Variants in ZKSCAN1 observed in about 807,000 individuals in gnomAD.
The protein encoded by ZKSCAN1 is zinc finger with KRAB and SCAN domains 1.
ZKSCAN1 carries 14 observed loss-of-function variants against 51.6 expected under a neutral mutation model. The ratio of observed to expected loss-of-function variants is 0.27; its 90% CI spans 0.18 to 0.42. The LOEUF is 0.42. ZKSCAN1 is among the 10% of genes least tolerant of loss of function. The pLI is 1.00. For missense variants in ZKSCAN1, 531 were observed against 710.0 expected (o/e 0.75, Z 2.86); for synonymous variants, 263 against 261.5 (o/e 1.01, Z -0.06).
Position 100,035,924 on chromosome 7 carries a change from C to A in ZKSCAN1, c.*1727C>A, listed in dbSNP as rs111611973. 9 of 985,396 alleles carry A rather than the reference C, an allele frequency of 9.1e-6. No individual in the cohort carries two copies. The highest frequency in any genetic ancestry group is 5.2e-5 in the African/African-American group (3 of 57,324). 61.0% of individuals were successfully genotyped at this position (985,396 alleles called of 1,614,324 possible). A position where few individuals can be genotyped will look rare whatever the true frequency, so the allele number is the denominator to read the frequency against. The stretch of plus-strand genomic sequence containing the variant: ...CCTACCCAAGGCTAGGACCGCCCTG[C>A]GGAAACAGAAACATAGACTGAGAAC... On this transcript the variant is annotated 3_prime_UTR_variant, in exon 6 of 6. Transcript: ENST00000324306.
chr7:100,033,593 A>C lies in ZKSCAN1; in HGVS notation c.1088A>C (p.Asn363Thr). The change falls in exon 6 of 6, where the codon AAC becomes ACC. Residue 363 changes from asparagine to threonine, a missense_variant. Coordinates refer to ENST00000324306, the MANE Select transcript of ZKSCAN1 (RefSeq NM_003439.4). The surrounding 1 kb of genome is among the most constrained non-coding windows in gnomAD (Gnocchi z 4.1). ...GGAAGAAGCTTCAGTCTGAGCTCCA[A>C]CTTCACCACCCCTGAAGAAGTTCCC... ...GLGRSFSLSS[N>T]FTTPEEVPTG... 1 of 1,614,194 alleles carries C rather than the reference A, an allele frequency of 6.2e-7. No homozygotes were observed. The highest frequency in any genetic ancestry group is 8.5e-7 in the Non-Finnish European group (1 of 1,180,026).
Position 100,040,224 on chromosome 7 carries a change from G to T in ZKSCAN1, c.*6027G>T. On this transcript the variant is annotated 3_prime_UTR_variant, in exon 6 of 6. Transcript: ENST00000324306. ...TGAGAATTGAATTTCATGATGTGTG[G>T]TTCCATTTAATAGCGGACACCACCC... The T allele has an allele frequency of 1.0e-6, 1 of 985,374 alleles. No homozygotes were observed. The highest frequency in any genetic ancestry group is 1.7e-5 in the African/African-American group (1 of 57,340). The allele number at this position is 985,374 out of a possible 1,614,324, so 61.0% of individuals were successfully genotyped here. A position where few individuals can be genotyped will look rare whatever the true frequency, so the allele number is the denominator to read the frequency against.
At chr7:100,029,480 G>C (rs1791007523) in intron 3 of ZKSCAN1, among the ~76,000 whole-genome samples, 1 of 152,134 alleles carries the variant, frequency 6.6e-6, no homozygotes, top group South Asian at 2.1e-4. Flanking sequence ...AGGAAATTAG[G>C]AGCCAGACTT....
intron 3 of ZKSCAN1, among the ~76,000 whole-genome samples, chr7:100,027,729 CAGAG>C (rs1790904178): frequency 7.4e-6 from 1 of 134,266 alleles, no homozygotes; most frequent in African/African-American, 2.8e-5. Flanking sequence ...GCCTGGGCAA[CAGAG>C]GGAGATGCTG....
downstream of ZKSCAN1, among the ~76,000 whole-genome samples, chr7:100,041,846 A>C (rs1195805060): frequency 6.6e-6 from 1 of 152,218 alleles, no homozygotes; most frequent in African/African-American, 2.4e-5. Flanking sequence ...TTTACTTTGC[A>C]AACCAAAATT....
intron 1 of ZKSCAN1, among the ~76,000 whole-genome samples, chr7:100,021,697 A>G (rs1790593381): frequency 1.4e-5 from 2 of 147,316 alleles, no homozygotes. Flanking sequence ...ATCTGTTTAT[A>G]TTATTAGTGT....
At position 100,039,315 on chromosome 7, in the gene ZKSCAN1, GAA is replaced by G. The variant is rs11338572; in HGVS notation, c.*5129_*5130del. The G allele has an allele frequency of 1.1e-3, 943 of 860,446 alleles. No individual in the cohort carries two copies. The highest frequency in any genetic ancestry group is 1.2e-3 in the Non-Finnish European group (851 of 719,234). The allele number at this position is 860,446 out of a possible 1,614,324, so 53.3% of individuals were successfully genotyped here. ...TAACAGAGACTCTGTCTCAAAAAAA[GAA>G]AAAAAAAAAAGAAAGAAAGAAAGAA... is the stretch of plus-strand genomic sequence containing the variant. On this transcript the variant is annotated 3_prime_UTR_variant, in exon 6 of 6. Coordinates refer to ENST00000324306, the MANE Select transcript of ZKSCAN1 (RefSeq NM_003439.4).
chr7:100,025,527 G>C (rs1486574001), intron 3 of ZKSCAN1, among the ~76,000 whole-genome samples: 1 of 152,156 alleles, frequency 6.6e-6, no homozygotes, highest in African/African-American at 2.4e-5. Flanking sequence ...TAAAATCAAA[G>C]TATGTGCTTA....
rs1405468243 is a variant in ZKSCAN1 at position 100,038,868 on chromosome 7, G to A, written c.*4671G>A. On this transcript the variant is annotated 3_prime_UTR_variant, in exon 6 of 6. Transcript: ENST00000324306. ...AAAATAGCTGGGCGTGGTGGCGGGCGCCTGTAGTCCCAGCTACTCAGGAGG... is the reference window on the plus strand; with the variant it reads ...AAAATAGCTGGGCGTGGTGGCGGGCACCTGTAGTCCCAGCTACTCAGGAGG... The A allele has an allele frequency of 5.5e-6, 2 of 364,780 alleles. No homozygotes were observed. Among genetic ancestry groups the A allele is most frequent in the African/African-American group, 2.2e-5 (1 of 45,238 alleles). 22.6% of individuals were successfully genotyped at this position (364,780 alleles called of 1,614,324 possible).
Position 100,034,676 on chromosome 7 carries a change from G to A in ZKSCAN1, c.*479G>A, listed in dbSNP as rs1363764659. 6.2e-6 allele frequency: 3 copies of A among 484,946 alleles called. No homozygotes were observed. Among genetic ancestry groups the A allele is most frequent in the Non-Finnish European group, 8.1e-6 (3 of 370,900 alleles). 30.0% of individuals were successfully genotyped at this position (484,946 alleles called of 1,614,324 possible). ...GAAAACAAAAACGACATTGGGACAT[G>A]CTGCTCAAGGTAGTTATATATACGA... is the stretch of plus-strand genomic sequence containing the variant. On this transcript the variant is annotated 3_prime_UTR_variant, in exon 6 of 6. Coordinates refer to ENST00000324306, the MANE Select transcript of ZKSCAN1 (RefSeq NM_003439.4).
At chr7:100,041,744 A>G, downstream of ZKSCAN1, 1 of 985,348 alleles carries the variant, frequency 1.0e-6, no homozygotes, top group South Asian at 4.7e-5. Context: ...TGGTTGCATA[A>G]ATACACATTG....
In ZKSCAN1 at chr7:100,036,400, T is replaced by C; in HGVS notation, c.*2203T>C. 1 of 985,440 alleles carries C rather than the reference T, an allele frequency of 1.0e-6. No individual in the cohort carries two copies. The allele number at this position is 985,440 out of a possible 1,614,324, so 61.0% of individuals were successfully genotyped here. The stretch of plus-strand genomic sequence containing the variant: ...GTTTTGTAGAAAACTCCTGTGCTTT[T>C]GAGCAAGGACTTTTGCCCTCTAGAA... On this transcript the variant is annotated 3_prime_UTR_variant, in exon 6 of 6. Coordinates refer to ENST00000324306, the MANE Select transcript of ZKSCAN1 (RefSeq NM_003439.4).
rs1393299860 is a variant in ZKSCAN1, at chr7:100,035,980, A to G, written c.*1783A>G. The stretch of plus-strand genomic sequence containing the variant: ...TCAAGACTATCAGTGTGACCTCCCC[A>G]TAACAAGAGAACCCCATATATAGTT... On this transcript the variant is annotated 3_prime_UTR_variant, in exon 6 of 6. Coordinates refer to ENST00000324306, the MANE Select transcript of ZKSCAN1 (RefSeq NM_003439.4). The G allele has an allele frequency of 3.0e-6, 3 of 985,464 alleles. No individual in the cohort carries two copies. The highest frequency in any genetic ancestry group is 3.6e-6 in the Non-Finnish European group (3 of 829,938). The allele number at this position is 985,464 out of a possible 1,614,324, so 61.0% of individuals were successfully genotyped here. A position where few individuals can be genotyped will look rare whatever the true frequency, so the allele number is the denominator to read the frequency against.
downstream of ZKSCAN1, among the ~76,000 whole-genome samples, chr7:100,043,646 A>T (rs1383171115): frequency 1.3e-5 from 2 of 151,684 alleles, no homozygotes; most frequent in African/African-American, 4.8e-5. Flanking sequence ...AAGTGCTGGG[A>T]TTATATTCAT....
rs1180805856 is a variant in ZKSCAN1, at chr7:100,041,172, C to T, written c.*6975C>T. The T allele has an allele frequency of 4.1e-6, 3 of 729,922 alleles. No individual in the cohort carries two copies. The highest frequency in any genetic ancestry group is 5.0e-6 in the Non-Finnish European group (3 of 597,036). The allele number at this position is 729,922 out of a possible 1,614,324, so 45.2% of individuals were successfully genotyped here. ...CAACCTGTCCTGTTTTGTCAGTTCC[C>T]AGCTTCTTCGTTTAGAATAAATTAG... On this transcript the variant is annotated 3_prime_UTR_variant, in exon 6 of 6. Coordinates refer to ENST00000324306, the MANE Select transcript of ZKSCAN1 (RefSeq NM_003439.4).
rs1201660095 is a variant in ZKSCAN1 at position 100,036,748 on chromosome 7, A to G, written c.*2551A>G. ...AAAAAAAGAAAGAAAGAAACTGAAA[A>G]GTGAGGTGTGGAACTCCAGGCAACG... On this transcript the variant is annotated 3_prime_UTR_variant, in exon 6 of 6. Coordinates refer to ENST00000324306, the MANE Select transcript of ZKSCAN1 (RefSeq NM_003439.4). 12 of 984,514 alleles carry G rather than the reference A, an allele frequency of 1.2e-5. No individual in the cohort carries two copies. The highest frequency in any genetic ancestry group is 1.4e-5 in the Non-Finnish European group (12 of 829,740). The allele number at this position is 984,514 out of a possible 1,614,324, so 61.0% of individuals were successfully genotyped here.
chr7:100,018,406 A>AT (rs879710253), intron 1 of ZKSCAN1, among the ~76,000 whole-genome samples: 3,494 of 144,296 alleles, frequency 0.024, 43 homozygotes, highest in African/African-American at 0.028. Context: ...ATCATGAGAA[A>AT]TTTTTTTTTT....
Position 100,036,251 on chromosome 7 carries a change from C to T in ZKSCAN1, c.*2054C>T. 2.0e-6 allele frequency: 2 copies of T among 985,426 alleles called. No homozygotes were observed. Among genetic ancestry groups the T allele is most frequent in the East Asian group, 1.1e-4 (1 of 8,816 alleles). The allele number at this position is 985,426 out of a possible 1,614,324, so 61.0% of individuals were successfully genotyped here. ...AAACGTGTTGCAAGTCAACCAGTCA[C>T]TAGGATATTTCTACCCATGCAACGG... is the stretch of plus-strand genomic sequence containing the variant. On this transcript the variant is annotated 3_prime_UTR_variant, in exon 6 of 6. Coordinates refer to ENST00000324306, the MANE Select transcript of ZKSCAN1 (RefSeq NM_003439.4).
chr7:100,043,771 A>AT (rs772298225), downstream of ZKSCAN1, among the ~76,000 whole-genome samples: 3,474 of 58,960 alleles, frequency 0.059, 601 homozygotes, highest in Middle Eastern at 0.11. Context: ...TTCTTTCTTG[A>AT]TTTTTTTTTT....
Sources: gnomAD v4.1 joint callset for allele counts (sites outside exome capture counted in the v4.1 genomes callset) on GRCh38, gnomAD v4.1.1 for gene constraint, Gnocchi (gnomAD v3.1) non-coding constraint, MANE v1.5 for transcripts, NCBI Gene and HGNC (gene_info 2026-07-23, HGNC 2026-07-21) for gene names.